Variants in DLG2 observed in about 807,000 individuals in gnomAD.
The protein encoded by DLG2 is discs large MAGUK scaffold protein 2, also known as disks large homolog 2.
Under a neutral mutation model 132.5 loss-of-function variants are expected in DLG2, and 45 were observed. The ratio of observed to expected loss-of-function variants is 0.34; its 90% CI spans 0.27 to 0.44. The LOEUF is 0.44. Among genes scored for constraint, DLG2 ranks in the 20% least tolerant of loss-of-function variants. The probability of loss-of-function intolerance (pLI) is 1.00; values close to 1 mark genes in which losing one functional copy is unlikely to be tolerated. For missense variants in DLG2, 1,045 were observed against 1,196.9 expected, an observed-to-expected ratio of 0.87 and a Z score of 1.87; for synonymous variants, 424 against 419.6, an observed-to-expected ratio of 1.01 and a Z score of -0.13.
intron 7 of DLG2, among the ~76,000 whole-genome samples, chr11:84,458,568 G>A (rs2099071625): frequency 6.6e-6 from 1 of 150,634 alleles, no homozygotes; most frequent in Non-Finnish European, 1.5e-5. Context: ...AATTGTTTAG[G>A]ATGTTGGTGA....
intron 15 of DLG2, among the ~76,000 whole-genome samples, chr11:83,881,492 C>T (rs1007460926): frequency 2.0e-5 from 3 of 152,154 alleles, no homozygotes; most frequent in African/African-American, 7.2e-5. Flanking sequence ...TTCACTATTT[C>T]ATCTAGCTTT....
At chr11:84,797,592 T>C (rs1466504704) in intron 6 of DLG2, among the ~76,000 whole-genome samples, 1 of 152,230 alleles carries the variant, frequency 6.6e-6, no homozygotes, top group East Asian at 1.9e-4. Context: ...ATTCAGTCTC[T>C]GTTAAGTTTG....
At chr11:85,003,340 G>A (rs891366282) in intron 6 of DLG2, among the ~76,000 whole-genome samples, 1 of 152,032 alleles carries the variant, frequency 6.6e-6, no homozygotes, top group Non-Finnish European at 1.5e-5. Context: ...AAAATATTCA[G>A]AAGTAGTTAA....
At chr11:84,681,182 A>G (rs1244014257) in intron 6 of DLG2, among the ~76,000 whole-genome samples, 4 of 152,226 alleles carry the variant, frequency 2.6e-5, no homozygotes, top group Non-Finnish European at 4.4e-5. Context: ...ATCATATAGG[A>G]AAGCAGTGAC....
intron 6 of DLG2, among the ~76,000 whole-genome samples, chr11:84,700,477 T>C (rs2153740598): frequency 6.6e-6 from 1 of 151,830 alleles, no homozygotes; most frequent in East Asian, 1.9e-4. Context: ...ACAAAATAAC[T>C]GATCAAGTAT....
intron 18 of DLG2, among the ~76,000 whole-genome samples, chr11:83,695,443 A>G (rs528422571): frequency 6.6e-6 from 1 of 152,266 alleles, no homozygotes; most frequent in Non-Finnish European, 1.5e-5. Context: ...AGAGTTTGTG[A>G]TTCAGTAAAA....
intron 6 of DLG2, among the ~76,000 whole-genome samples, chr11:85,108,064 C>G (rs1350679334): frequency 2.0e-5 from 3 of 150,614 alleles, no homozygotes; most frequent in South Asian, 2.1e-4. Flanking sequence ...TAATAGAAGC[C>G]ATTTTCAAGG....
At chr11:84,162,827 T>G (rs1308758429) in intron 9 of DLG2, among the ~76,000 whole-genome samples, 4 of 152,172 alleles carry the variant, frequency 2.6e-5, no homozygotes, top group African/African-American at 4.8e-5. Flanking sequence ...TTTATTGGCT[T>G]TTTCTTTTTT....
chr11:85,360,811 A>C (rs1410184335), intron 3 of DLG2, among the ~76,000 whole-genome samples: 2 of 152,210 alleles, frequency 1.3e-5, no homozygotes, highest in Non-Finnish European at 2.9e-5. Context: ...CTCTCCTGGT[A>C]TCAACATAAA....
intron 7 of DLG2, among the ~76,000 whole-genome samples, chr11:84,447,313 A>G (rs906293914): frequency 3.9e-5 from 6 of 152,198 alleles, no homozygotes; most frequent in African/African-American, 1.4e-4. Context: ...TGAGTGCAAT[A>G]AAAATACTGC....
intron 2 of DLG2, among the ~76,000 whole-genome samples, chr11:85,612,684 A>C (rs2081086370): frequency 6.6e-6 from 1 of 152,212 alleles, no homozygotes; most frequent in South Asian, 2.1e-4. Context: ...TTCTAATCTT[A>C]TGAAAATCAG....
At chr11:85,384,519 C>T (rs1406807611) in intron 3 of DLG2, among the ~76,000 whole-genome samples, 1 of 152,108 alleles carries the variant, frequency 6.6e-6, no homozygotes, top group African/African-American at 2.4e-5. Context: ...TTTTATCTTC[C>T]CTATTTATAA....
chr11:83,508,989 T>A (rs1248700248), intron 21 of DLG2, among the ~76,000 whole-genome samples: 2 of 152,254 alleles, frequency 1.3e-5, no homozygotes, highest in Non-Finnish European at 2.9e-5. Context: ...TGCTGTGACC[T>A]ATTACAGGCA....
At chr11:83,506,993 G>A (rs958053259) in intron 21 of DLG2, among the ~76,000 whole-genome samples, 1 of 152,156 alleles carries the variant, frequency 6.6e-6, no homozygotes, top group Non-Finnish European at 1.5e-5. Context: ...TGCCTCTGAA[G>A]CTGGGAGTTA....
chr11:83,940,908 A>G (rs2082507985), intron 14 of DLG2, among the ~76,000 whole-genome samples: 1 of 152,204 alleles, frequency 6.6e-6, no homozygotes, highest in Non-Finnish European at 1.5e-5. Flanking sequence ...CAATCAGTAA[A>G]TGTTTTGACT....
At chr11:84,510,122 T>C (rs1222485437) in intron 7 of DLG2, among the ~76,000 whole-genome samples, 1 of 150,296 alleles carries the variant, frequency 6.7e-6, no homozygotes, top group Admixed American at 6.6e-5. Flanking sequence ...ATTATTATTA[T>C]TATGTTAATC....
chr11:84,975,223 A>T (rs1369443654), intron 6 of DLG2, among the ~76,000 whole-genome samples: 1 of 152,188 alleles, frequency 6.6e-6, no homozygotes, highest in Non-Finnish European at 1.5e-5. Context: ...CTTCTTCTTT[A>T]CTAAGAGAAT....
chr11:84,916,334 G>T (rs1411691825), intron 6 of DLG2, among the ~76,000 whole-genome samples: 1 of 100,586 alleles, frequency 9.9e-6, no homozygotes, highest in African/African-American at 3.9e-5. Flanking sequence ...GGGCGACAGA[G>T]CGAGACTCCG....
chr11:85,309,787 T>G (rs995407540), intron 3 of DLG2, among the ~76,000 whole-genome samples: 1 of 152,166 alleles, frequency 6.6e-6, no homozygotes. Context: ...TTAACTCACC[T>G]CTAGTATCAT....
Sources: allele counts gnomAD v4.1 joint callset (sites outside exome capture counted in the v4.1 genomes callset), GRCh38; gene constraint gnomAD v4.1.1; transcripts MANE v1.5; gene names NCBI Gene and HGNC (gene_info 2026-07-23, HGNC 2026-07-21).